CNTNAP2: variants seen among roughly 807,000 people sequenced by gnomAD.
The protein encoded by CNTNAP2 is contactin associated protein 2.
A neutral mutation model predicts 155.2 loss-of-function variants in CNTNAP2; 98 were observed. The observed-to-expected ratio is 0.63, with a 90% confidence interval of 0.54 to 0.75. The LOEUF (loss-of-function observed/expected upper bound fraction) is 0.75, where lower values mean the gene tolerates loss of function less well. Among genes scored for constraint, CNTNAP2 ranks in the 30% least tolerant of loss-of-function variants. The probability of loss-of-function intolerance (pLI) is 0.00; values close to 1 mark genes in which losing one functional copy is unlikely to be tolerated. For synonymous variants in CNTNAP2, 651 were observed against 631.2 expected, an observed-to-expected ratio of 1.03 and a Z score of -0.47; for missense variants, 1,727 against 1,688.1, an observed-to-expected ratio of 1.02 and a Z score of -0.40.
At chr7:146,831,700 T>TAAAAAAAAAA (rs1803516320) in intron 2 of CNTNAP2, among the ~76,000 whole-genome samples, 1 of 133,780 alleles carries the variant, frequency 7.5e-6, no homozygotes, top group African/African-American at 3.2e-5. Flanking sequence ...AAAAAAAAAG[T>TAAAAAAAAAA]TAAAGCCACT....
chr7:146,156,499 G>A (rs7807672), intron 1 of CNTNAP2, among the ~76,000 whole-genome samples: 63,744 of 151,992 alleles, frequency 0.42, 15,304 homozygotes, highest in East Asian at 0.61. Context: ...TACAACTTTC[G>A]CCTATGCTAA....
chr7:148,329,030 A>T (rs546384379), intron 21 of CNTNAP2, among the ~76,000 whole-genome samples: 1 of 148,326 alleles, frequency 6.7e-6, no homozygotes, highest in East Asian at 2.0e-4. Context: ...AATTCAGTTC[A>T]AGCCACTTCT....
At chr7:146,675,834 A>C (rs1039251802) in intron 1 of CNTNAP2, among the ~76,000 whole-genome samples, 1 of 149,318 alleles carries the variant, frequency 6.7e-6, no homozygotes, top group Non-Finnish European at 1.5e-5. Flanking sequence ...CATTGTTATC[A>C]ATTTAGTCAT....
chr7:146,618,901 C>G (rs747847169), intron 1 of CNTNAP2, among the ~76,000 whole-genome samples: 6 of 151,878 alleles, frequency 4.0e-5, no homozygotes, highest in Non-Finnish European at 8.8e-5. Context: ...GAAACCCTGT[C>G]CCTACTAAAG....
intron 1 of CNTNAP2, among the ~76,000 whole-genome samples, chr7:146,465,111 T>G (rs988316414): frequency 6.6e-5 from 10 of 151,944 alleles, no homozygotes; most frequent in Admixed American, 2.6e-4. Context: ...CCTCTTTGAC[T>G]AGTCTAAACA....
chr7:147,103,056 AT>A (rs374271160), intron 4 of CNTNAP2, among the ~76,000 whole-genome samples: 6 of 152,274 alleles, frequency 3.9e-5, no homozygotes, highest in African/African-American at 1.4e-4. Context: ...AGTGACTCTA[AT>A]TTTTTAATGA....
intron 1 of CNTNAP2, among the ~76,000 whole-genome samples, chr7:146,759,630 G>A (rs1302118608): frequency 7.1e-6 from 1 of 140,038 alleles, no homozygotes; most frequent in East Asian, 2.2e-4. Context: ...GGGAGTCAGA[G>A]GAGCTGAGAT....
chr7:147,168,827 C>T (rs978319295), intron 8 of CNTNAP2, among the ~76,000 whole-genome samples: 2 of 152,068 alleles, frequency 1.3e-5, no homozygotes, highest in Admixed American at 6.5e-5. Context: ...AGTTTATTCC[C>T]TTTCCTAAAG....
chr7:148,264,488 TA>T (rs1796631567), intron 20 of CNTNAP2, among the ~76,000 whole-genome samples: 1 of 152,098 alleles, frequency 6.6e-6, no homozygotes, highest in Non-Finnish European at 1.5e-5. Flanking sequence ...ATCATCAAGT[TA>T]AAAAATATAC....
At chr7:147,125,412 T>C (rs1311633292) in intron 6 of CNTNAP2, among the ~76,000 whole-genome samples, 3 of 152,186 alleles carry the variant, frequency 2.0e-5, no homozygotes, top group African/African-American at 7.2e-5. Context: ...CCACCTGCAA[T>C]GAGGCTGCTA....
intron 13 of CNTNAP2, among the ~76,000 whole-genome samples, chr7:147,764,308 A>G (rs1418216076): frequency 6.6e-6 from 1 of 152,102 alleles, no homozygotes; most frequent in Non-Finnish European, 1.5e-5. Context: ...TACTCCAACT[A>G]AAACTCTCCT....
intron 15 of CNTNAP2, among the ~76,000 whole-genome samples, chr7:148,009,056 C>A (rs996166741): frequency 6.6e-6 from 1 of 152,152 alleles, no homozygotes; most frequent in African/African-American, 2.4e-5. Flanking sequence ...ATAGATACTT[C>A]TGAATGCACA....
intron 1 of CNTNAP2, among the ~76,000 whole-genome samples, chr7:146,388,047 T>C (rs1034791728): frequency 8.6e-5 from 13 of 151,790 alleles, no homozygotes; most frequent in African/African-American, 3.1e-4. Flanking sequence ...TTGAATTTTC[T>C]AAAAGCTTTT....
At chr7:146,280,754 T>C (rs1800238494) in intron 1 of CNTNAP2, among the ~76,000 whole-genome samples, 1 of 152,192 alleles carries the variant, frequency 6.6e-6, no homozygotes, top group Admixed American at 6.5e-5. Context: ...TGGGGTTGTT[T>C]GGAGGCCCAG....
intron 9 of CNTNAP2, among the ~76,000 whole-genome samples, chr7:147,377,247 T>C (rs1796451090): frequency 6.6e-6 from 1 of 151,800 alleles, no homozygotes; most frequent in African/African-American, 2.4e-5. Flanking sequence ...TTATTTTTTT[T>C]CAAAAATACT....
At chr7:147,025,440 A>G (rs1426134213) in intron 3 of CNTNAP2, among the ~76,000 whole-genome samples, 1 of 4,348 alleles carries the variant, frequency 2.3e-4, no homozygotes, top group Non-Finnish European at 3.4e-4. Flanking sequence ...GGGGGAGGGG[A>G]GGGGAGGGGA....
chr7:147,544,210 G>A (rs532513261), intron 11 of CNTNAP2, among the ~76,000 whole-genome samples: 1 of 152,144 alleles, frequency 6.6e-6, no homozygotes, highest in South Asian at 2.1e-4. Flanking sequence ...TACTAAATTG[G>A]CAAATTATGT....
At chr7:147,891,691 T>C (rs1487121933) in intron 13 of CNTNAP2, among the ~76,000 whole-genome samples, 1 of 152,208 alleles carries the variant, frequency 6.6e-6, no homozygotes, top group East Asian at 1.9e-4. Flanking sequence ...ACCTGGAATA[T>C]AACATAAATT....
chr7:147,344,478 T>A (rs532917832), intron 9 of CNTNAP2, among the ~76,000 whole-genome samples: 3 of 152,332 alleles, frequency 2.0e-5, no homozygotes, highest in African/African-American at 7.2e-5. Context: ...TCATAATTTT[T>A]CTCTGGGCTA....
Sources: allele counts gnomAD v4.1 joint callset (sites outside exome capture counted in the v4.1 genomes callset), GRCh38; gene constraint gnomAD v4.1.1; transcripts MANE v1.5; gene names NCBI Gene and HGNC (gene_info 2026-07-23, HGNC 2026-07-21).